Variants in ABCC11 observed in about 807,000 individuals in gnomAD.
ABCC11 encodes ATP binding cassette subfamily C member 11.
ABCC11 carries 135 observed loss-of-function variants against 149.3 expected under a neutral mutation model. The observed-to-expected ratio is 0.90, with a 90% CI of 0.79 to 1.04. ABCC11 has a LOEUF of 1.04. ABCC11 is among the 50% of genes least tolerant of loss of function. ABCC11 has a pLI of 0.00. For missense variants in ABCC11, 1,680 were observed against 1,722.1 expected, an observed-to-expected ratio of 0.98 and a Z score of 0.43; for synonymous variants, 665 against 671.4, an observed-to-expected ratio of 0.99 and a Z score of 0.15.
chr16:48,171,964 GAACAAAACAA>G (rs537090360), intron 26 of ABCC11, among the ~76,000 whole-genome samples: 6 of 152,106 alleles, frequency 3.9e-5, no homozygotes, highest in South Asian at 4.2e-4. Flanking sequence ...CTCGGTCTCA[GAACAAAACAA>G]AACAAAACAA....
At chr16:48,197,373 T>C (rs956789359) in intron 17 of ABCC11, among the ~76,000 whole-genome samples, 1 of 152,022 alleles carries the variant, frequency 6.6e-6, no homozygotes, top group Non-Finnish European at 1.5e-5. Context: ...ACAGGTACTG[T>C]GTAGGGGGCT....
chr16:48,187,860 T>A lies in ABCC11; in HGVS notation c.2707-433A>T, dbSNP rs367953206. ...CAGTGCCTGCCCCTGAGGTAGGAGG[T>A]GAGACTTGACTCTGGAGGCAGGGTT... On this transcript the variant is annotated intron_variant, in intron 20 of 29. Transcript: ENST00000356608. Among the ~76,000 whole-genome samples, 1,603 of 151,988 alleles carry A rather than the reference T, an allele frequency of 0.011. 234 individuals carry two copies. In the South Asian group the frequency reaches 0.3, roughly 28 times the overall value.
Position 48,193,999 on chromosome 16 carries a change from G to A in ABCC11, c.2405-17C>T. The A allele has an allele frequency of 1.3e-6, 2 of 1,585,858 alleles. No individual in the cohort carries two copies. Among genetic ancestry groups the A allele is most frequent in the Non-Finnish European group, 1.7e-6 (2 of 1,154,966 alleles). On this transcript the variant is annotated splice_polypyrimidine_tract_variant and intron_variant, in intron 18 of 29. Coordinates refer to ENST00000356608, the MANE Select transcript of ABCC11 (RefSeq NM_001370497.1). ...CCATGTAACCTGGGAGGGAGACAGT[G>A]GTGATGTACAAGTGCCACAAACAGG...
chr16:48,200,126 T>G, intron 15 of ABCC11, 150 bp downstream of exon 15: 1 of 775,922 alleles, frequency 1.3e-6, no homozygotes, highest in Non-Finnish European at 2.0e-6. Context: ...AAATCCAAGT[T>G]TTTTACAGCC....
chr16:48,173,157 C>T (rs1005556559), intron 26 of ABCC11, among the ~76,000 whole-genome samples: 6 of 152,256 alleles, frequency 3.9e-5, no homozygotes, highest in South Asian at 4.1e-4. Context: ...TTCAAGGTCA[C>T]GCCACAAGCC....
At chr16:48,244,891 C>T (rs1971267350) in intron 1 of ABCC11, among the ~76,000 whole-genome samples, 1 of 152,176 alleles carries the variant, frequency 6.6e-6, no homozygotes, top group Non-Finnish European at 1.5e-5. Context: ...AATCCTCTTC[C>T]CCCTCTCCGC....
chr16:48,187,121 ACCGT>A, intron 21 of ABCC11, 31 bp from the exon 22 acceptor site: 3 of 1,614,038 alleles, frequency 1.9e-6, no homozygotes, highest in Middle Eastern at 1.7e-4. Flanking sequence ...AGGGACCTGG[ACCGT>A]CCACCTCTGG....
At chr16:48,221,445 GT>G (rs1313546846) in intron 6 of ABCC11, among the ~76,000 whole-genome samples, 3 of 149,686 alleles carry the variant, frequency 2.0e-5, no homozygotes, top group Non-Finnish European at 4.4e-5. Flanking sequence ...GTGTTATGCT[GT>G]AAAAAAAAAA....
chr16:48,242,724 G>T (rs1024322980), intron 1 of ABCC11, among the ~76,000 whole-genome samples: 9 of 152,130 alleles, frequency 5.9e-5, no homozygotes, highest in East Asian at 3.9e-4. Context: ...CCATAAAAAA[G>T]GATGAGTTCA....
intron 2 of ABCC11, among the ~76,000 whole-genome samples, 159 bp downstream of exon 2, chr16:48,231,660 CAAAA>C (rs57185310): frequency 6.4e-5 from 5 of 78,070 alleles, no homozygotes; most frequent in Non-Finnish European, 1.4e-4. Context: ...GACCCTGAGT[CAAAA>C]AAAAAAAAAA....
At position 48,167,558 on chromosome 16, in the gene ABCC11, T is replaced by C. The variant is rs1965413788; in HGVS notation, c.3994A>G (p.Ile1332Val). 2.5e-6 allele frequency: 4 copies of C among 1,614,136 alleles called. No individual in the cohort carries two copies. The highest frequency in any genetic ancestry group is 3.4e-6 in the Non-Finnish European group (4 of 1,180,032). ...AGCACAGTGGTGACACGGTGGGCAA[T>C]GACGAGCACGGTGCAGCCCTGGAAG... The part of the protein sequence containing the change: ...EAFQGCTVLV[I>V]AHRVTTVLNC... Residue 1332 changes from isoleucine (I) to valine (V), a missense_variant, in exon 29 of 30, where the codon ATT becomes GTT. Ile to Val is a conservative substitution (Grantham distance 29). Transcript: ENST00000356608.
At chr16:48,243,257 C>T (rs1258789016) in intron 1 of ABCC11, among the ~76,000 whole-genome samples, 4 of 151,600 alleles carry the variant, frequency 2.6e-5, no homozygotes, top group Non-Finnish European at 4.4e-5. Flanking sequence ...AAAAATTAGC[C>T]GGGCGTGGTT....
chr16:48,230,397 G>A, intron 3 of ABCC11, 40 bp downstream of exon 3: 1 of 1,520,006 alleles, frequency 6.6e-7, no homozygotes, highest in African/African-American at 1.4e-5. Context: ...CATTGCCCTG[G>A]TGGATACAGC....
intron 23 of ABCC11, among the ~76,000 whole-genome samples, chr16:48,182,549 G>T (rs1966505760): frequency 6.6e-6 from 1 of 152,168 alleles, no homozygotes; most frequent in South Asian, 2.1e-4. Flanking sequence ...AGAGGCCAAA[G>T]TGGGTGGATC....
intron 20 of ABCC11, 25 bp downstream of exon 20, chr16:48,192,494 GC>G (rs1353591117): frequency 3.1e-6 from 5 of 1,612,324 alleles, no homozygotes; most frequent in Admixed American, 1.7e-5. Context: ...TCAGCCTTCG[GC>G]CCCACCCAGC....
intron 23 of ABCC11, among the ~76,000 whole-genome samples, chr16:48,179,095 G>A (rs540607889): frequency 2.0e-5 from 3 of 152,318 alleles, no homozygotes; most frequent in East Asian, 3.9e-4. Flanking sequence ...CCCAGCCTTT[G>A]AGGGCATGGT....
intron 3 of ABCC11, among the ~76,000 whole-genome samples, chr16:48,229,922 A>G (rs1275841654): frequency 6.6e-6 from 1 of 152,060 alleles, no homozygotes; most frequent in East Asian, 1.9e-4. Context: ...TTGCCCCTCC[A>G]GGCAAGGCTG....
At chr16:48,245,905 ACT>A (rs1450152559) in intron 1 of ABCC11, among the ~76,000 whole-genome samples, 2 of 151,290 alleles carry the variant, frequency 1.3e-5, no homozygotes, top group African/African-American at 2.4e-5. Context: ...CCTATTCCTA[ACT>A]CTACTGGAGG....
At chr16:48,222,165 G>A (rs1042309051) in intron 6 of ABCC11, among the ~76,000 whole-genome samples, 1 of 150,720 alleles carries the variant, frequency 6.6e-6, no homozygotes, top group Non-Finnish European at 1.5e-5. Flanking sequence ...CTGGATTCAA[G>A]CAATCCTCCT....
Sources: allele counts gnomAD v4.1 joint callset (sites outside exome capture counted in the v4.1 genomes callset), GRCh38; gene constraint gnomAD v4.1.1; transcripts MANE v1.5; gene names NCBI Gene and HGNC (gene_info 2026-07-23, HGNC 2026-07-21).